The following STX1B variants were observed in gnomAD, a reference collection of about 807,000 sequenced individuals.
STX1B encodes the protein syntaxin-1B.
Under a neutral mutation model 39.4 loss-of-function variants are expected in STX1B, and 7 were observed. The ratio of observed to expected loss-of-function variants is 0.18; its 90% confidence interval spans 0.10 to 0.33. The LOEUF (loss-of-function observed/expected upper bound fraction) is 0.33, where lower values mean the gene tolerates loss of function less well. Among genes scored for constraint, STX1B ranks in the 10% least tolerant of loss-of-function variants. The probability of loss-of-function intolerance (pLI) is 1.00; values close to 1 mark genes in which losing one functional copy is unlikely to be tolerated. For missense variants in STX1B, 198 were observed against 383.2 expected (o/e 0.52, Z 4.04); for synonymous variants, 136 against 144.1 (o/e 0.94, Z 0.40).
chr16:30,999,758 C>T (rs908228650), intron 4 of STX1B, among the ~76,000 whole-genome samples: 1 of 152,184 alleles, frequency 6.6e-6, no homozygotes, highest in Non-Finnish European at 1.5e-5. Flanking sequence ...TTAATGAAAT[C>T]GAAGCCACTC....
intron 4 of STX1B, among the ~76,000 whole-genome samples, chr16:30,999,677 G>A (rs974985941): frequency 6.6e-6 from 1 of 152,216 alleles, no homozygotes; most frequent in Non-Finnish European, 1.5e-5. Flanking sequence ...TACCGATTCA[G>A]AGGCATTTGC....
intron 4 of STX1B, among the ~76,000 whole-genome samples, chr16:31,000,260 C>T (rs2056618465): frequency 6.6e-6 from 1 of 151,884 alleles, no homozygotes; most frequent in Admixed American, 6.6e-5. Flanking sequence ...CCCACCTTGG[C>T]CTCCCAAAGT....
chr16:31,002,175 C>T (rs1413489874), intron 1 of STX1B, among the ~76,000 whole-genome samples: 1 of 152,040 alleles, frequency 6.6e-6, no homozygotes. Context: ...GTGCCCCCCT[C>T]TTCCCGCCCA....
chr16:30,996,143 C>T (rs2056590437), intron 7 of STX1B: 1 of 151,540 alleles, frequency 6.6e-6, no homozygotes, highest in East Asian at 1.9e-4. Context: ...CCACTGTACT[C>T]CAGCATGGGT....
intron 4 of STX1B, 108 bp downstream of exon 4, chr16:31,000,820 A>C: frequency 9.1e-7 from 1 of 1,102,624 alleles, no homozygotes; most frequent in Non-Finnish European, 1.4e-6. Context: ...GCTGGTGTTG[A>C]ACTCCTGGGA....
intron 7 of STX1B, among the ~76,000 whole-genome samples, chr16:30,994,625 C>CA (rs1485216029): frequency 2.4e-5 from 3 of 124,090 alleles, no homozygotes; most frequent in East Asian, 9.9e-4. Context: ...GGGAAGAGAC[C>CA]GTGACCCACA....
chr16:30,999,793 C>T (rs1440443471), intron 4 of STX1B, among the ~76,000 whole-genome samples: 1 of 152,138 alleles, frequency 6.6e-6, no homozygotes, highest in African/African-American at 2.4e-5. Flanking sequence ...TTCTGGTGAA[C>T]CTTCATGCTG....
At chr16:31,002,440 CG>C (rs908825923) in intron 1 of STX1B, among the ~76,000 whole-genome samples, 2 of 152,142 alleles carry the variant, frequency 1.3e-5, no homozygotes, top group Admixed American at 1.3e-4. Flanking sequence ...TAGGCCCCCC[CG>C]ACACCCACAC....
chr16:30,997,364 A>T, intron 5 of STX1B, 138 bp downstream of exon 5: 1 of 733,154 alleles, frequency 1.4e-6, no homozygotes, highest in Non-Finnish European at 2.2e-6. Context: ...CGCCCGCTCT[A>T]GCCTCGCCCC....
chr16:30,993,033 C>T, intron 9 of STX1B, 97 bp downstream of exon 9: 1 of 1,374,712 alleles, frequency 7.3e-7, no homozygotes, highest in Non-Finnish European at 1.0e-6. Flanking sequence ...GAGGTCAGAG[C>T]CAGAGATAAG....
intron 7 of STX1B, 101 bp downstream of exon 7, chr16:30,996,582 C>T (rs2056593251): frequency 9.3e-7 from 1 of 1,077,608 alleles, no homozygotes; most frequent in African/African-American, 1.6e-5. Context: ...CTTCCCGCTG[C>T]TCATTTTTCC....
chr16:30,994,011 G>T (rs2056577338), intron 7 of STX1B, among the ~76,000 whole-genome samples: 1 of 151,178 alleles, frequency 6.6e-6, no homozygotes, highest in African/African-American at 2.4e-5. Context: ...AGTCAGGGCT[G>T]GGCACAGTAG....
At chr16:31,000,887 AC>A (rs2056623953) in intron 4 of STX1B, 40 bp downstream of exon 4, 2 of 1,609,364 alleles carry the variant, frequency 1.2e-6, no homozygotes, top group Non-Finnish European at 1.7e-6. Context: ...TGCTCCACCC[AC>A]AATTCTTTTC....
chr16:30,994,209 G>T (rs531396450), intron 7 of STX1B, among the ~76,000 whole-genome samples: 28 of 150,684 alleles, frequency 1.9e-4, no homozygotes, highest in African/African-American at 6.6e-4. Flanking sequence ...GGAGAATGGC[G>T]TGAACCCGGG....
At chr16:31,005,649 T>C (rs729482) in intron 1 of STX1B, among the ~76,000 whole-genome samples, 49,849 of 151,738 alleles carry the variant, frequency 0.33, 8,893 homozygotes, top group South Asian at 0.69. Flanking sequence ...CATGAGGTCA[T>C]ATTCTTATTC....
intron 7 of STX1B, among the ~76,000 whole-genome samples, chr16:30,995,068 T>C (rs914744621): frequency 1.7e-4 from 26 of 152,108 alleles, no homozygotes; most frequent in Admixed American, 6.5e-4. Context: ...CACGCCACCA[T>C]GCCTGGCTAA....
Position 30,989,720 on chromosome 16 carries a change from G to A in STX1B, c.*3101C>T, listed in dbSNP as rs988413906. On this transcript the variant is annotated 3_prime_UTR_variant, in exon 10 of 10. Coordinates refer to ENST00000215095, the MANE Select transcript of STX1B (RefSeq NM_052874.5). Reference sequence around the variant, plus strand: ...CTCTGCAGGGCGGGCTGGGGGGCAGGGTGAATGCATAGAACACATCATGTG... The same window carrying A: ...CTCTGCAGGGCGGGCTGGGGGGCAGAGTGAATGCATAGAACACATCATGTG... The A allele has an allele frequency of 6.6e-6, 1 of 152,514 alleles. No individual in the cohort carries two copies. The highest frequency in any genetic ancestry group is 6.5e-5 in the Admixed American group (1 of 15,290). The allele number at this position is 152,514 out of a possible 1,614,324, so 9.4% of individuals were successfully genotyped here.
chr16:30,997,080 C>A (rs1249907193), intron 5 of STX1B, 21 bp from the exon 6 acceptor site: 1 of 1,540,802 alleles, frequency 6.5e-7, no homozygotes, highest in Non-Finnish European at 9.0e-7. Flanking sequence ...GGTGGGGGGA[C>A]AGACGGATCA....
At chr16:31,008,320 C>T (rs544565664) in intron 1 of STX1B, among the ~76,000 whole-genome samples, 1 of 151,426 alleles carries the variant, frequency 6.6e-6, no homozygotes, top group African/African-American at 2.4e-5. Context: ...TTCACCCTTC[C>T]ACACCACCTC....
Sources: allele counts gnomAD v4.1 joint callset (sites outside exome capture counted in the v4.1 genomes callset), GRCh38; gene constraint gnomAD v4.1.1; transcripts MANE v1.5; gene names NCBI Gene and HGNC (gene_info 2026-07-23, HGNC 2026-07-21).